Variants in CSMD3 observed in about 807,000 individuals in gnomAD.
CSMD3 encodes the protein CUB and sushi domain-containing protein 3.
In CSMD3, 177 loss-of-function variants were observed where a neutral mutation model predicts 435.2. The observed-to-expected ratio is 0.41, with a 90% CI of 0.36 to 0.46. The LOEUF (loss-of-function observed/expected upper bound fraction) is 0.46. CSMD3 is among the 20% of genes least tolerant of loss of function. The probability of loss-of-function intolerance (pLI) is 0.34; values close to 1 mark genes in which losing one functional copy is unlikely to be tolerated. For synonymous variants in CSMD3, 1,656 were observed against 1,520.5 expected (o/e 1.09, Z -2.07); for missense variants, 4,265 against 4,504.6 (o/e 0.95, Z 1.52).
At chr8:112,510,457 A>T (rs555927349) in intron 28 of CSMD3, among the ~76,000 whole-genome samples, 1 of 152,246 alleles carries the variant, frequency 6.6e-6, no homozygotes, top group South Asian at 2.1e-4. Context: ...TTCTTCCTGA[A>T]ATGCCTGTTT....
chr8:112,405,063 T>C (rs2129984301), intron 35 of CSMD3, among the ~76,000 whole-genome samples: 1 of 149,546 alleles, frequency 6.7e-6, no homozygotes, highest in African/African-American at 2.5e-5. Flanking sequence ...AGTGCACGCC[T>C]GTAATCCCAG....
At chr8:112,780,498 A>G (rs1052487576) in intron 13 of CSMD3, among the ~76,000 whole-genome samples, 18 of 152,070 alleles carry the variant, frequency 1.2e-4, no homozygotes, top group Admixed American at 3.3e-4. Flanking sequence ...GCACTTCTGT[A>G]AGAACCAAAA....
intron 13 of CSMD3, among the ~76,000 whole-genome samples, chr8:112,741,611 A>T (rs1390036236): frequency 6.6e-6 from 1 of 151,878 alleles, no homozygotes; most frequent in Non-Finnish European, 1.5e-5. Context: ...TATAAATTTG[A>T]GGGGATAGAC....
At chr8:113,335,212 A>G (rs1218650786) in intron 1 of CSMD3, among the ~76,000 whole-genome samples, 1 of 152,050 alleles carries the variant, frequency 6.6e-6, no homozygotes, top group African/African-American at 2.4e-5. Flanking sequence ...GAGGCCTCCC[A>G]GAAGCTGATG....
In CSMD3 at chr8:112,910,163, C is replaced by T. The variant is rs559780706; in HGVS notation, c.1633+11464G>A. Among the ~76,000 whole-genome samples the T allele has an allele frequency of 2.6e-5, 4 of 151,792 alleles. No homozygotes were observed. The South Asian group carries it at 6.2e-4, about 24-fold the overall frequency. ...CCTCCAGAGACTTTGATTTAATTAA[C>T]CTAGGATGGGAGTTAGGCATGGATT... On this transcript the variant is annotated intron_variant, in intron 10 of 70. Transcript: ENST00000297405.
chr8:112,787,397 T>C (rs963240758), intron 13 of CSMD3, among the ~76,000 whole-genome samples: 2 of 152,070 alleles, frequency 1.3e-5, no homozygotes, highest in Non-Finnish European at 2.9e-5. Context: ...AAATTATTAC[T>C]ATGGAGAACA....
At chr8:113,149,851 A>G (rs2091765053) in intron 4 of CSMD3, among the ~76,000 whole-genome samples, 1 of 151,994 alleles carries the variant, frequency 6.6e-6, no homozygotes, top group South Asian at 2.1e-4. Flanking sequence ...AATGCATGCC[A>G]TCAATACAGA....
At chr8:112,864,863 T>A (rs1170901316) in intron 10 of CSMD3, among the ~76,000 whole-genome samples, 2 of 152,214 alleles carry the variant, frequency 1.3e-5, no homozygotes, top group Admixed American at 6.5e-5. Context: ...TATGATTATC[T>A]TAACTTTTAG....
chr8:112,368,827 C>T (rs1242431375), intron 38 of CSMD3, among the ~76,000 whole-genome samples: 1 of 151,992 alleles, frequency 6.6e-6, no homozygotes, highest in Non-Finnish European at 1.5e-5. Context: ...CTATAATTTT[C>T]CATTTGTAAA....
At chr8:112,866,597 C>G (rs1021162901) in intron 10 of CSMD3, among the ~76,000 whole-genome samples, 2 of 152,022 alleles carry the variant, frequency 1.3e-5, no homozygotes, top group Non-Finnish European at 2.9e-5. Context: ...GGTTGTTCAC[C>G]TGAGAGTTAG....
intron 3 of CSMD3, among the ~76,000 whole-genome samples, chr8:113,175,184 T>C (rs2092329102): frequency 6.6e-6 from 1 of 151,846 alleles, no homozygotes; most frequent in African/African-American, 2.4e-5. Context: ...AGCTTAATTT[T>C]GAGAGTGTTT....
At chr8:112,473,113 C>T (rs1277608689) in intron 31 of CSMD3, among the ~76,000 whole-genome samples, 1 of 152,170 alleles carries the variant, frequency 6.6e-6, no homozygotes, top group Non-Finnish European at 1.5e-5. Flanking sequence ...ATGTGTGAGA[C>T]ATGGATGGCT....
intron 3 of CSMD3, among the ~76,000 whole-genome samples, chr8:113,220,345 G>A (rs1042265649): frequency 6.6e-6 from 1 of 151,308 alleles, no homozygotes; most frequent in African/African-American, 2.4e-5. Flanking sequence ...ATAAGATCCT[G>A]GAATGTCTTG....
At position 112,265,431 on chromosome 8, in the gene CSMD3, C is replaced by A. The variant is rs999320871; in HGVS notation, c.9668G>T (p.Gly3223Val). The change falls in exon 60 of 71, where the codon GGA (glycine) becomes GTA (valine). Residue 3223 changes from glycine to valine, a missense_variant. Physicochemically the swap from Gly to Val is moderately radical, Grantham distance 109. Around this residue, in one of 3 missense-constraint regions of CSMD3, gnomAD observed 3,255 missense variants for 3,380.2 expected, o/e 0.96. Transcript: ENST00000297405. ...CATACCTCTACAAGTTGGCATTACT[C>A]CACTCCATGTGCCATTAATTGTACA... ...RTCTINGTWS[G>V]VMPTCRAVTC... 1.2e-6 allele frequency: 2 copies of A among 1,613,192 alleles called. No individual in the cohort carries two copies. Among genetic ancestry groups the A allele is most frequent in the African/African-American group, 2.7e-5 (2 of 74,878 alleles).
chr8:112,803,127 T>G (rs1020865780), intron 12 of CSMD3, among the ~76,000 whole-genome samples: 1 of 152,156 alleles, frequency 6.6e-6, no homozygotes, highest in African/African-American at 2.4e-5. Flanking sequence ...CTTAAAAAGA[T>G]CTGCATAACT....
At chr8:112,575,175 A>G (rs901403242) in intron 23 of CSMD3, among the ~76,000 whole-genome samples, 1 of 151,946 alleles carries the variant, frequency 6.6e-6, no homozygotes, top group African/African-American at 2.4e-5. Context: ...GGTTATGCCA[A>G]ATTTTTTTCC....
chr8:112,631,941 AT>A (rs1318463982), intron 22 of CSMD3, among the ~76,000 whole-genome samples: 3 of 151,952 alleles, frequency 2.0e-5, no homozygotes. Flanking sequence ...TTGATTTTTA[AT>A]TTTCTTTCTA....
At chr8:113,400,326 T>G (rs2094504183) in intron 1 of CSMD3, among the ~76,000 whole-genome samples, 1 of 151,892 alleles carries the variant, frequency 6.6e-6, no homozygotes, top group South Asian at 2.1e-4. Context: ...TGTTCCAGAA[T>G]TTAACAGTCT....
At position 112,958,638 on chromosome 8, in the gene CSMD3, T is replaced by C. The variant is rs73347936; in HGVS notation, c.1343-3877A>G. Among the ~76,000 whole-genome samples the C allele has an allele frequency of 3.5e-3, 538 of 152,354 alleles. 3 individuals are homozygous for C. Among genetic ancestry groups the C allele is most frequent in the African/African-American group, 0.012 (502 of 41,586 alleles). Reference sequence around the variant, plus strand: ...TTACTTAAACCTCATCTAATTTTCATGTTAATCAGCTAAAGTCATTATTTG... The same window carrying C: ...TTACTTAAACCTCATCTAATTTTCACGTTAATCAGCTAAAGTCATTATTTG... On this transcript the variant is annotated intron_variant, in intron 7 of 70. Transcript: ENST00000297405.
Sources: allele counts gnomAD v4.1 joint callset (sites outside exome capture counted in the v4.1 genomes callset), GRCh38; gene constraint gnomAD v4.1.1; regional missense constraint gnomAD v4.1.1; transcripts MANE v1.5; gene names NCBI Gene and HGNC (gene_info 2026-07-23, HGNC 2026-07-21).